The following INPP5D variants were observed in gnomAD, a reference collection of about 807,000 sequenced individuals.
INPP5D encodes phosphatidylinositol 3,4,5-trisphosphate 5-phosphatase 1.
In INPP5D, 33 loss-of-function variants were observed where a neutral mutation model predicts 122.9. The ratio of observed to expected loss-of-function variants is 0.27; its 90% CI spans 0.20 to 0.36. The LOEUF (loss-of-function observed/expected upper bound fraction) is 0.36, where lower values mean the gene tolerates loss of function less well. Ranked by LOEUF, INPP5D falls within the 10% of genes least tolerant of loss-of-function variation. The pLI is 1.00. For synonymous variants in INPP5D, 584 were observed against 576.2 expected (o/e 1.01, Z -0.19); for missense variants, 1,053 against 1,412.7 (o/e 0.75, Z 4.08).
chr2:233,071,134 T>C (rs779749744), intron 1 of INPP5D, among the ~76,000 whole-genome samples: 2 of 151,694 alleles, frequency 1.3e-5, no homozygotes, highest in East Asian at 1.9e-4. Context: ...AAAATAAAAA[T>C]AAAAATTAGC....
chr2:233,204,219 G>A lies in INPP5D; in HGVS notation c.3069G>A (p.Gly1023=). 1.2e-6 allele frequency: 2 copies of A among 1,613,456 alleles called. No homozygotes were observed. The highest frequency in any genetic ancestry group is 1.7e-6 in the Non-Finnish European group (2 of 1,179,796). ...KPEMFENPLY[G]SLSSFPKPAP... ...AGATGTTTGAGAACCCCCTGTATGGGTCCCTGAGTTCCTTCCCTAAGCCTG... is the reference window on the plus strand; with the variant it reads ...AGATGTTTGAGAACCCCCTGTATGGATCCCTGAGTTCCTTCCCTAAGCCTG... Residue 1023 remains glycine, a synonymous_variant, in exon 26 of 27, where the codon GGG becomes GGA. Transcript: ENST00000445964.
chr2:233,184,273 T>G, intron 19 of INPP5D, 135 bp from the exon 20 acceptor site: 1 of 1,292,352 alleles, frequency 7.7e-7, no homozygotes, highest in Non-Finnish European at 1.0e-6. Context: ...CGCTGTAGCT[T>G]TAGTTCTCCT....
chr2:233,116,127 CTG>C (rs942471556), intron 2 of INPP5D, among the ~76,000 whole-genome samples: 2 of 151,942 alleles, frequency 1.3e-5, no homozygotes, highest in Admixed American at 6.6e-5. Context: ...TGACTCTTGG[CTG>C]TGAGCACAAA....
chr2:233,109,878 G>A (rs1362346818), intron 2 of INPP5D, among the ~76,000 whole-genome samples: 2 of 150,938 alleles, frequency 1.3e-5, no homozygotes, highest in Non-Finnish European at 1.5e-5. Flanking sequence ...AAGCCACAGC[G>A]CCCACCAGTC....
At chr2:233,085,761 C>G (rs1037399736) in intron 2 of INPP5D, among the ~76,000 whole-genome samples, 6 of 152,134 alleles carry the variant, frequency 3.9e-5, no homozygotes, top group African/African-American at 1.4e-4. Flanking sequence ...TGTGTGGCTG[C>G]AAGATCCCTA....
chr2:233,177,232 G>A lies in INPP5D; in HGVS notation c.1990-33G>A. 2.5e-6 allele frequency: 4 copies of A among 1,612,890 alleles called. No homozygotes were observed. In the South Asian group the frequency reaches 4.4e-5, roughly 18 times the overall value. On this transcript the variant is annotated intron_variant, in intron 17 of 26. Coordinates refer to ENST00000445964, the MANE Select transcript of INPP5D (RefSeq NM_001017915.3). This position sits in a 1 kb window ranked among gnomAD's most constrained non-coding sequence, Gnocchi z 4.2. ...CTGATTAAAAAAATAATAATAAGAG[G>A]CATTTTTTAAAGCCTATGACTTTGA...
At chr2:233,143,920 G>C (rs1460617440) in intron 6 of INPP5D, among the ~76,000 whole-genome samples, 3 of 151,538 alleles carry the variant, frequency 2.0e-5, no homozygotes, top group Admixed American at 1.3e-4. Flanking sequence ...GGTCAGGGTA[G>C]GAATGGTGAG....
intron 2 of INPP5D, among the ~76,000 whole-genome samples, chr2:233,084,160 T>C (rs1413831979): frequency 6.6e-6 from 1 of 152,164 alleles, no homozygotes; most frequent in African/African-American, 2.4e-5. Flanking sequence ...CTCAAGCAAT[T>C]CTCCCACCTC....
rs898912442 is a variant in INPP5D, at chr2:233,189,497, G to A, written c.2359-353G>A. Among the ~76,000 whole-genome samples the A allele has an allele frequency of 3.9e-5, 6 of 152,232 alleles. No individual in the cohort carries two copies. In the South Asian group the frequency reaches 6.2e-4, roughly 16 times the overall value. ...ACCTGGTGCCTGGCCCCACTTCCCC[G>A]CCAGCCTGCCTTCTCCTCTATGACC... On this transcript the variant is annotated intron_variant, in intron 21 of 26. Coordinates refer to ENST00000445964, the MANE Select transcript of INPP5D (RefSeq NM_001017915.3). The surrounding 1 kb of genome is among the most constrained non-coding windows in gnomAD (Gnocchi z 5.6).
At chr2:233,112,429 T>TG (rs1692658956) in intron 2 of INPP5D, among the ~76,000 whole-genome samples, 1 of 152,236 alleles carries the variant, frequency 6.6e-6, no homozygotes. Context: ...AGCATTTTCT[T>TG]GCTTTCTGGG....
chr2:233,138,943 C>T (rs995300979), intron 5 of INPP5D, among the ~76,000 whole-genome samples: 2 of 145,450 alleles, frequency 1.4e-5, no homozygotes, highest in Admixed American at 7.0e-5. Context: ...TTAGTAGAGA[C>T]GGGGGTTTCA....
intron 6 of INPP5D, among the ~76,000 whole-genome samples, chr2:233,143,348 C>T (rs1693668904): frequency 2.0e-5 from 3 of 152,140 alleles, no homozygotes; most frequent in South Asian, 2.1e-4. Context: ...AAGAGAGAGC[C>T]GGTGGGGGGC....
At position 233,102,156 on chromosome 2, in the gene INPP5D, T is replaced by C. The variant is rs114944964; in HGVS notation, c.199-19951T>C. ...TCTAGATCGCACAACCAGTTGGTCGTGGAGCTAAGATTGACATTCGTAGCT... is the reference window on the plus strand; with the variant it reads ...TCTAGATCGCACAACCAGTTGGTCGCGGAGCTAAGATTGACATTCGTAGCT... On this transcript the variant is annotated intron_variant, in intron 2 of 26. Coordinates refer to ENST00000445964, the MANE Select transcript of INPP5D (RefSeq NM_001017915.3). 2.5e-3 allele frequency among the ~76,000 whole-genome samples: 376 copies of C among 152,320 alleles called. 5 individuals are homozygous for C. Among genetic ancestry groups the C allele is most frequent in the African/African-American group, 8.8e-3 (365 of 41,586 alleles).
intron 2 of INPP5D, among the ~76,000 whole-genome samples, chr2:233,080,199 G>T (rs1164361803): frequency 6.6e-6 from 1 of 152,030 alleles, no homozygotes; most frequent in East Asian, 1.9e-4. Context: ...CAAAGTTCTG[G>T]GATTATAGGC....
Position 233,189,894 on chromosome 2 carries a change from C to A in INPP5D, c.2403C>A (p.His801Gln). 6.2e-7 allele frequency: 1 copy of A among 1,613,634 alleles called. No homozygotes were observed. Among genetic ancestry groups the A allele is most frequent in the Non-Finnish European group, 8.5e-7 (1 of 1,179,654 alleles). Residue 801 changes from histidine (H) to glutamine (Q), a missense_variant, in exon 22 of 27, where the codon CAC (histidine) becomes CAA (glutamine). This residue lies in a region of INPP5D where 258 missense variants were observed against 439.1 expected (regional missense o/e 0.59). Coordinates refer to ENST00000445964, the MANE Select transcript of INPP5D (RefSeq NM_001017915.3). The surrounding 1 kb of genome is among the most constrained non-coding windows in gnomAD (Gnocchi z 5.6). ...ISDPEYLLDQ[H>Q]ILISIKSSDS... ...ACCCTGAGTACCTGCTAGACCAGCA[C>A]ATCCTCATCAGCATCAAGTCCTCTG...
intron 4 of INPP5D, 35 bp downstream of exon 4, chr2:233,125,954 C>A: frequency 1.9e-6 from 3 of 1,597,970 alleles, no homozygotes; most frequent in Non-Finnish European, 2.6e-6. Flanking sequence ...GGGCCTTCAT[C>A]TGCAGTGAGC....
chr2:233,169,194 T>C, intron 13 of INPP5D, 111 bp from the exon 14 acceptor site: 1 of 1,495,502 alleles, frequency 6.7e-7, no homozygotes, highest in East Asian at 2.5e-5. Context: ...CGCCCATCCC[T>C]TGCCAGCTCC....
chr2:233,086,386 T>C (rs1223688450), intron 2 of INPP5D, among the ~76,000 whole-genome samples: 1 of 151,762 alleles, frequency 6.6e-6, no homozygotes, highest in African/African-American at 2.4e-5. Flanking sequence ...ACTATGTTGG[T>C]CAGGCTGGTC....
At chr2:233,115,842 C>T (rs6708745) in intron 2 of INPP5D, among the ~76,000 whole-genome samples, 26,291 of 152,056 alleles carry the variant, frequency 0.17, 5,514 homozygotes, top group African/African-American at 0.51. Context: ...TGGGGGACTA[C>T]GAGGCTGAGC....
Sources: allele counts gnomAD v4.1 joint callset (sites outside exome capture counted in the v4.1 genomes callset), GRCh38; gene constraint gnomAD v4.1.1; regional missense constraint gnomAD v4.1.1; non-coding constraint Gnocchi (gnomAD v3.1); transcripts MANE v1.5; gene names NCBI Gene and HGNC (gene_info 2026-07-23, HGNC 2026-07-21).